Variants in CELF2 observed in about 807,000 individuals in gnomAD.
CELF2 encodes CUG triplet repeat RNA-binding protein 2.
A neutral mutation model predicts 62.6 loss-of-function variants in CELF2; 8 were observed. The ratio of observed to expected loss-of-function variants is 0.13; its 90% CI spans 0.07 to 0.23. CELF2 has a LOEUF of 0.23. Ranked by LOEUF, CELF2 falls within the 10% of genes least tolerant of loss-of-function variation. CELF2 has a pLI of 1.00. For missense variants in CELF2, 333 were observed against 671.0 expected (o/e 0.50, Z 5.56); for synonymous variants, 258 against 250.0 (o/e 1.03, Z -0.30).
the CELF2 span, among the ~76,000 whole-genome samples, chr10:10,499,520 G>A: frequency 4.6e-5 from 7 of 152,172 alleles, no homozygotes; most frequent in Non-Finnish European, 1.0e-4. Context: ...TTAAGTTGGG[G>A]CAGAGGAGGG....
chr10:10,785,814 T>C, the CELF2 span, among the ~76,000 whole-genome samples: 1 of 152,316 alleles, frequency 6.6e-6, no homozygotes, highest in East Asian at 1.9e-4. Flanking sequence ...TTGCACAACA[T>C]GGTGACTATA....
rs943045252 is a variant in CELF2, at chr10:10,928,618, A to T, written c.89+8619A>T. On this transcript the variant is annotated intron_variant, in intron 2 of 13. Transcript: ENST00000636488. The surrounding 1 kb of genome is among the most constrained non-coding windows in gnomAD (Gnocchi z 4.8). The stretch of plus-strand genomic sequence containing the variant: ...TATAGCCCCCAAACTGAAAATATTT[A>T]CTGTTTACTTTTATAGAAAGGTTTG... 3.9e-5 allele frequency among the ~76,000 whole-genome samples: 6 copies of T among 152,146 alleles called. No individual in the cohort carries two copies. The highest frequency in any genetic ancestry group is 7.2e-5 in the African/African-American group (3 of 41,426).
the CELF2 span, among the ~76,000 whole-genome samples, chr10:10,686,315 G>T: frequency 1.5e-5 from 1 of 67,456 alleles, no homozygotes; most frequent in South Asian, 6.7e-4. Flanking sequence ...TTTTTTGGGG[G>T]GGGGGGTGGG....
chr10:10,699,243 A>G, the CELF2 span, among the ~76,000 whole-genome samples: 3 of 152,238 alleles, frequency 2.0e-5, no homozygotes, highest in Non-Finnish European at 4.4e-5. Context: ...AGAAAATAAT[A>G]TATGTTTTTG....
chr10:10,779,205 G>A, the CELF2 span, among the ~76,000 whole-genome samples: 24,496 of 152,102 alleles, frequency 0.16, 2,345 homozygotes, highest in Non-Finnish European at 0.23. Flanking sequence ...ATGTAACAGC[G>A]TATCTCCAAG....
chr10:10,825,370 C>T (rs953897048), intron 1 of CELF2, among the ~76,000 whole-genome samples: 4 of 152,072 alleles, frequency 2.6e-5, no homozygotes, highest in African/African-American at 7.2e-5. Context: ...CCACCAAGCC[C>T]AGCTAATTTT....
At chr10:11,082,581 T>A (rs2074307100) in intron 1 of CELF2, among the ~76,000 whole-genome samples, 1 of 152,182 alleles carries the variant, frequency 6.6e-6, no homozygotes, top group Non-Finnish European at 1.5e-5. Flanking sequence ...GGCTCTCAAG[T>A]CTCTGATCTG....
intron 8 of CELF2, among the ~76,000 whole-genome samples, chr10:11,281,800 ATAGT>A (rs1198921124): frequency 6.6e-6 from 1 of 152,220 alleles, no homozygotes; most frequent in African/African-American, 2.4e-5. Flanking sequence ...AACGTAGTAC[ATAGT>A]TAAGTAGTTA....
At position 10,896,279 on chromosome 10, in the gene CELF2, A is replaced by G. The variant is rs1006322198; in HGVS notation, c.54-23685A>G. Among the ~76,000 whole-genome samples the G allele has an allele frequency of 3.3e-5, 5 of 152,252 alleles. No individual in the cohort carries two copies. The East Asian group carries it at 9.7e-4, about 29-fold the overall frequency. ...CACATAGAAGGGTCTTGCCTCCACA[A>G]TGGAGGTTATAAGCCATTAATTGAG... On this transcript the variant is annotated intron_variant, in intron 1 of 13. Transcript: ENST00000636488.
Position 11,008,939 on chromosome 10 carries a change from C to A in CELF2, c.53+3499C>A, listed in dbSNP as rs2137290952. 7.8e-6 allele frequency among the ~76,000 whole-genome samples: 1 copy of A among 128,640 alleles called. No homozygotes were observed. Among genetic ancestry groups the A allele is most frequent in the African/African-American group, 2.8e-5 (1 of 35,678 alleles). The allele number at this position is 128,640 out of a possible 152,430, so 84.4% of individuals were successfully genotyped here. On this transcript the variant is annotated intron_variant, in intron 1 of 12. Coordinates refer to the CELF2 transcript ENST00000416382. The surrounding 1 kb of genome is among the most constrained non-coding windows in gnomAD (Gnocchi z 4.5). ...GTCCATTCAGTGGCAATAATGCCTT[C>A]TTGGGTCACCTTTATTAGCCTTCAC...
In CELF2 at chr10:11,280,665, G is replaced by A. The variant is rs940084603; in HGVS notation, c.841+5545G>A. Among the ~76,000 whole-genome samples the A allele has an allele frequency of 5.9e-5, 9 of 152,198 alleles. No individual in the cohort carries two copies. Among genetic ancestry groups the A allele is most frequent in the African/African-American group, 1.4e-4 (6 of 41,460 alleles). On this transcript the variant is annotated intron_variant, in intron 8 of 12. Coordinates refer to ENST00000633077, the MANE Select transcript of CELF2 (RefSeq NM_001326342.2). This position sits in a 1 kb window ranked among gnomAD's most constrained non-coding sequence, Gnocchi z 7.6. ...GATGGTCAGTAGCACCTAGAAGATC[G>A]GTAGGTGCAGGGATGTCCATGGGGC...
the CELF2 span, among the ~76,000 whole-genome samples, chr10:10,615,626 T>C: frequency 6.6e-6 from 1 of 152,094 alleles, no homozygotes; most frequent in Non-Finnish European, 1.5e-5. Context: ...GGGGCAGATT[T>C]CCCCTTTGCT....
the CELF2 span, among the ~76,000 whole-genome samples, chr10:10,533,308 A>AG: frequency 1.3e-5 from 2 of 152,194 alleles, no homozygotes; most frequent in African/African-American, 4.8e-5. Context: ...TTAAGGGTCA[A>AG]GGGGAGGAGC....
At chr10:10,822,738 G>A (rs754363655) in intron 1 of CELF2, among the ~76,000 whole-genome samples, 7 of 152,202 alleles carry the variant, frequency 4.6e-5, no homozygotes, top group Non-Finnish European at 8.8e-5. Context: ...AAGAGGAAGG[G>A]GGAGAAGGAG....
the CELF2 span, among the ~76,000 whole-genome samples, chr10:10,658,487 T>C: frequency 6.6e-6 from 1 of 152,194 alleles, no homozygotes; most frequent in African/African-American, 2.4e-5. Flanking sequence ...CATAAATCTA[T>C]ACATGCTGGA....
the CELF2 span, among the ~76,000 whole-genome samples, chr10:10,766,604 G>A: frequency 6.6e-6 from 1 of 152,216 alleles, no homozygotes; most frequent in Non-Finnish European, 1.5e-5. Context: ...GTACTCAGCA[G>A]CAGCAGGGAC....
the CELF2 span, among the ~76,000 whole-genome samples, chr10:10,787,497 C>T: frequency 9.9e-5 from 15 of 152,250 alleles, 1 homozygote; most frequent in East Asian, 1.3e-3. Context: ...TTTCATAAAA[C>T]GCAAACTTTA....
intron 9 of CELF2, 100 bp downstream of exon 9, chr10:11,288,652 G>T: frequency 7.4e-7 from 1 of 1,356,920 alleles, no homozygotes. Context: ...ACGTGTCCAG[G>T]ATGGAGCCGG....
rs868725688 is a variant in CELF2, at chr10:11,202,923, C to G, written c.272-14502C>G. ...CTCATCTCTCTCTCTCTCTCTCTCT[C>G]TCTCTCTCTCTCTCTCTCTCTCTCT... On this transcript the variant is annotated intron_variant, in intron 2 of 12. Transcript: ENST00000633077. 8.3e-3 allele frequency among the ~76,000 whole-genome samples: 684 copies of G among 82,230 alleles called. 10 individuals carry two copies. The highest frequency in any genetic ancestry group is 0.027 in the Middle Eastern group (4 of 146). 53.9% of individuals were successfully genotyped at this position (82,230 alleles called of 152,430 possible).
Sources: allele counts gnomAD v4.1 joint callset (sites outside exome capture counted in the v4.1 genomes callset), GRCh38; gene constraint gnomAD v4.1.1; non-coding constraint Gnocchi (gnomAD v3.1); transcripts MANE v1.5; gene names NCBI Gene and HGNC (gene_info 2026-07-23, HGNC 2026-07-21).